The following KIF26B variants were observed in gnomAD, a reference collection of about 807,000 sequenced individuals.
KIF26B encodes the protein kinesin-like protein KIF26B.
In KIF26B, 63 loss-of-function variants were observed where a neutral mutation model predicts 151.2. The observed-to-expected ratio is 0.42, with a 90% confidence interval of 0.34 to 0.51. The LOEUF (loss-of-function observed/expected upper bound fraction) is 0.51, where lower values mean the gene tolerates loss of function less well. Ranked by LOEUF, KIF26B falls within the 20% of genes least tolerant of loss-of-function variation. The probability of loss-of-function intolerance (pLI) is 0.07; values close to 1 mark genes in which losing one functional copy is unlikely to be tolerated. For missense variants in KIF26B, 2,813 were observed against 2,913.6 expected (o/e 0.97, Z 0.79); for synonymous variants, 1,357 against 1,262.1 (o/e 1.08, Z -1.59).
chr1:245,549,075 C>G (rs1661819249), intron 5 of KIF26B, among the ~76,000 whole-genome samples: 1 of 152,094 alleles, frequency 6.6e-6, no homozygotes, highest in Admixed American at 6.5e-5. Context: ...ATTCTGCTGG[C>G]TCTATTTTAA....
chr1:245,647,153 C>T (rs997069485), intron 10 of KIF26B, among the ~76,000 whole-genome samples: 14 of 152,066 alleles, frequency 9.2e-5, no homozygotes, highest in Admixed American at 6.5e-4. Flanking sequence ...AGGCTGGGTG[C>T]GGTGGCTCAT....
intron 9 of KIF26B, among the ~76,000 whole-genome samples, chr1:245,623,352 G>C (rs1572164738): frequency 6.6e-6 from 1 of 152,042 alleles, no homozygotes; most frequent in African/African-American, 2.4e-5. Flanking sequence ...CGGTACTCTC[G>C]TGTGTGGCTT....
At chr1:245,207,006 G>A (rs1235863524) in intron 2 of KIF26B, among the ~76,000 whole-genome samples, 8 of 152,182 alleles carry the variant, frequency 5.3e-5, no homozygotes, top group Non-Finnish European at 1.0e-4. Context: ...TAAATGGGAT[G>A]TGTTTTGCTT....
At chr1:245,428,627 C>T (rs1392431007) in intron 4 of KIF26B, among the ~76,000 whole-genome samples, 1 of 152,212 alleles carries the variant, frequency 6.6e-6, no homozygotes, top group African/African-American at 2.4e-5. Context: ...GCTTGGCACA[C>T]ACCACTCTGA....
At chr1:245,156,809 G>A in intron 2 of KIF26B, 126 bp downstream of exon 2, 1 of 539,656 alleles carries the variant, frequency 1.9e-6, no homozygotes, top group Non-Finnish European at 2.9e-6. Context: ...CGGCGGCGCT[G>A]GGGATGCTCC....
Position 245,602,753 on chromosome 1 carries a change from C to T in KIF26B, c.1527C>T (p.Phe509=). 3.1e-6 allele frequency: 5 copies of T among 1,613,894 alleles called. No individual in the cohort carries two copies. Among genetic ancestry groups the T allele is most frequent in the South Asian group, 1.1e-5 (1 of 91,072 alleles). The change falls in exon 6 of 15, where the codon TTC becomes TTT. Residue 509 remains phenylalanine (F), a synonymous_variant. Transcript: ENST00000407071. The surrounding 1 kb of genome is among the most constrained non-coding windows in gnomAD (Gnocchi z 4.5). ...GNQVPPKMFA[F]DAVFPQDASQ... ...AGGTTCCTCCAAAGATGTTTGCCTT[C>T]GATGCAGTTTTTCCACAAGACGCTT...
chr1:245,675,609 G>A (rs1057485291), intron 10 of KIF26B, among the ~76,000 whole-genome samples: 3 of 152,192 alleles, frequency 2.0e-5, no homozygotes, highest in African/African-American at 7.2e-5. Context: ...GGGCTAGTGT[G>A]AGCTTGGATG....
intron 3 of KIF26B, among the ~76,000 whole-genome samples, chr1:245,405,325 ATGTTTG>A (rs1674108918): frequency 6.6e-6 from 1 of 152,198 alleles, no homozygotes; most frequent in African/African-American, 2.4e-5. Context: ...CAGCCCACAA[ATGTTTG>A]CCTACCCGTG....
chr1:245,659,750 G>GC (rs2044113374), intron 10 of KIF26B, among the ~76,000 whole-genome samples: 2 of 151,980 alleles, frequency 1.3e-5, no homozygotes, highest in African/African-American at 4.8e-5. Flanking sequence ...AGCAGTTCCA[G>GC]CAAGTAGGCC....
At chr1:245,649,395 G>A (rs1193417313) in intron 10 of KIF26B, among the ~76,000 whole-genome samples, 3 of 152,254 alleles carry the variant, frequency 2.0e-5, no homozygotes, top group Non-Finnish European at 4.4e-5. Flanking sequence ...TCAAGCTCCC[G>A]AAATGTCGGA....
chr1:245,624,988 T>C (rs1298673005), intron 9 of KIF26B, among the ~76,000 whole-genome samples: 2 of 152,178 alleles, frequency 1.3e-5, no homozygotes, highest in African/African-American at 4.8e-5. Flanking sequence ...TGTATGAATA[T>C]AGTATCCAAA....
At chr1:245,203,801 G>A (rs142650103) in intron 2 of KIF26B, among the ~76,000 whole-genome samples, 12 of 152,240 alleles carry the variant, frequency 7.9e-5, no homozygotes, top group South Asian at 2.1e-4. Context: ...ATCTCCCCCC[G>A]TGACATTTAT....
chr1:245,560,918 C>T lies in KIF26B; in HGVS notation c.1350+19968C>T, dbSNP rs1013346492. Among the ~76,000 whole-genome samples the T allele has an allele frequency of 1.3e-4, 20 of 152,126 alleles. No individual in the cohort carries two copies. The highest frequency in any genetic ancestry group is 4.3e-4 in the African/African-American group (18 of 41,428). On this transcript the variant is annotated intron_variant, in intron 5 of 14. Coordinates refer to ENST00000407071, the MANE Select transcript of KIF26B (RefSeq NM_018012.4). The surrounding 1 kb of genome is among the most constrained non-coding windows in gnomAD (Gnocchi z 4.3). Reference sequence around the variant, plus strand: ...CAAAATTGCAGCCCCTAAGGGGAGCCGTGCTAAGGTGTGATACAGGCCATG... The same window carrying T: ...CAAAATTGCAGCCCCTAAGGGGAGCTGTGCTAAGGTGTGATACAGGCCATG...
rs13374734 is a variant in KIF26B, at chr1:245,542,806, G to C, written c.1350+1856G>C. On this transcript the variant is annotated intron_variant, in intron 5 of 14. Coordinates refer to ENST00000407071, the MANE Select transcript of KIF26B (RefSeq NM_018012.4). ...CTGAACTGCTTTTAAGTGTACATGG[G>C]CTCTTGTTTTGCAAAGAGGGATTTG... Among the ~76,000 whole-genome samples the C allele has an allele frequency of 9.0e-3, 1,363 of 152,276 alleles. 17 individuals carry two copies. The highest frequency in any genetic ancestry group is 0.031 in the African/African-American group (1,301 of 41,548).
At chr1:245,689,296 T>C (rs1284336505) in intron 12 of KIF26B, among the ~76,000 whole-genome samples, 1 of 152,148 alleles carries the variant, frequency 6.6e-6, no homozygotes, top group East Asian at 1.9e-4. Flanking sequence ...CAGGTGAGGG[T>C]ACCTACCCTC....
intron 5 of KIF26B, among the ~76,000 whole-genome samples, chr1:245,566,814 C>T (rs1458413060): frequency 6.6e-6 from 1 of 152,140 alleles, no homozygotes; most frequent in Non-Finnish European, 1.5e-5. Flanking sequence ...CTAATCCCAG[C>T]TACTCAGGAG....
intron 10 of KIF26B, among the ~76,000 whole-genome samples, chr1:245,652,659 G>A (rs1050026275): frequency 2.8e-4 from 42 of 152,134 alleles, no homozygotes; most frequent in African/African-American, 8.7e-4. Flanking sequence ...TCTGGGGATC[G>A]GCCGGGGTCA....
intron 4 of KIF26B, among the ~76,000 whole-genome samples, chr1:245,481,592 G>A (rs1036068718): frequency 5.3e-5 from 8 of 151,824 alleles, no homozygotes; most frequent in African/African-American, 1.7e-4. Flanking sequence ...ATCTTTTTGC[G>A]TGAAGCTAAT....
intron 2 of KIF26B, among the ~76,000 whole-genome samples, chr1:245,279,516 C>G (rs1285465642): frequency 6.6e-6 from 1 of 151,834 alleles, no homozygotes; most frequent in East Asian, 1.9e-4. Context: ...GCCATCTTGC[C>G]CAAGCTGGTC....
Sources: allele counts gnomAD v4.1 joint callset (sites outside exome capture counted in the v4.1 genomes callset), GRCh38; gene constraint gnomAD v4.1.1; non-coding constraint Gnocchi (gnomAD v3.1); transcripts MANE v1.5; gene names NCBI Gene and HGNC (gene_info 2026-07-23, HGNC 2026-07-21).